The following FLRT2 variants were observed in gnomAD, a reference collection of about 807,000 sequenced individuals.
FLRT2 encodes leucine-rich repeat transmembrane protein FLRT2.
Under a neutral mutation model 40.0 loss-of-function variants are expected in FLRT2, and 15 were observed. The ratio of observed to expected loss-of-function variants is 0.38; its 90% CI spans 0.25 to 0.58. The LOEUF is 0.58. FLRT2 is among the 20% of genes least tolerant of loss of function. The probability of loss-of-function intolerance (pLI) is 0.71; values close to 1 mark genes in which losing one functional copy is unlikely to be tolerated. For missense variants in FLRT2, 726 were observed against 840.0 expected (o/e 0.86, Z 1.68); for synonymous variants, 380 against 336.8 (o/e 1.13, Z -1.41).
At chr14:85,541,966 A>G (rs533987233) in intron 1 of FLRT2, among the ~76,000 whole-genome samples, 3 of 152,330 alleles carry the variant, frequency 2.0e-5, no homozygotes, top group African/African-American at 7.2e-5. Flanking sequence ...AATGAATTTT[A>G]ACAACTTTCC....
chr14:85,599,543 C>T (rs1282212440), intron 1 of FLRT2, among the ~76,000 whole-genome samples: 1 of 152,172 alleles, frequency 6.6e-6, no homozygotes, highest in Non-Finnish European at 1.5e-5. Context: ...ACTGGTTTCT[C>T]TAATGTGTTT....
At chr14:85,615,560 A>G (rs1044267060) in intron 1 of FLRT2, among the ~76,000 whole-genome samples, 3 of 151,984 alleles carry the variant, frequency 2.0e-5, no homozygotes, top group Non-Finnish European at 2.9e-5. Context: ...TATCTGCCTA[A>G]TGATCAACTT....
rs944277284 is a variant in FLRT2, at chr14:85,643,877, T to G, written c.*20380T>G. On this transcript the variant is annotated 3_prime_UTR_variant, in exon 2 of 2. Coordinates refer to ENST00000330753, the MANE Select transcript of FLRT2 (RefSeq NM_013231.6). ...AGTTGCAGCAGAGTGGTTGTGGTTT[T>G]TATTATAAGCATTAAAAGTATAGTA... The G allele has an allele frequency of 6.6e-6, 1 of 152,158 alleles. No homozygotes were observed. The highest frequency in any genetic ancestry group is 1.5e-5 in the Non-Finnish European group (1 of 68,042). 9.4% of individuals were successfully genotyped at this position (152,158 alleles called of 1,614,324 possible).
chr14:85,552,362 A>G (rs1460381518), intron 1 of FLRT2, among the ~76,000 whole-genome samples: 1 of 152,166 alleles, frequency 6.6e-6, no homozygotes, highest in Non-Finnish European at 1.5e-5. Context: ...GCAGTAATAA[A>G]ACCCCTTGAA....
At position 85,634,931 on chromosome 14, in the gene FLRT2, G is replaced by A. The variant is rs575060274; in HGVS notation, c.*11434G>A. 1 of 152,136 alleles carries A rather than the reference G, an allele frequency of 6.6e-6. No homozygotes were observed. Among genetic ancestry groups the A allele is most frequent in the South Asian group, 2.1e-4 (1 of 4,824 alleles). 9.4% of individuals were successfully genotyped at this position (152,136 alleles called of 1,614,324 possible). A position where few individuals can be genotyped will look rare whatever the true frequency, so the allele number is the denominator to read the frequency against. Reference sequence around the variant, plus strand: ...CAAGTTACTTTGGACCTTAAATTCTGTTTTATGGTTGTTCATTTTCTATGT... The same window carrying A: ...CAAGTTACTTTGGACCTTAAATTCTATTTTATGGTTGTTCATTTTCTATGT... On this transcript the variant is annotated 3_prime_UTR_variant, in exon 2 of 2. Coordinates refer to ENST00000330753, the MANE Select transcript of FLRT2 (RefSeq NM_013231.6).
In FLRT2 at chr14:85,623,056, C is replaced by G; in HGVS notation, c.1542C>G (p.Thr514=). Residue 514 remains threonine (T), a synonymous_variant, in exon 2 of 2, where the codon ACC becomes ACG. Transcript: ENST00000330753. ...VEDTICSEAT[T]HASYLNNGSN... is the part of the protein sequence containing the mutation. ...ACACCATTTGTTCAGAGGCCACCAC[C>G]CATGCCTCCTATCTGAACAACGGCA... 1.2e-6 allele frequency: 2 copies of G among 1,614,194 alleles called. No homozygotes were observed. Among genetic ancestry groups the G allele is most frequent in the Non-Finnish European group, 8.5e-7 (1 of 1,180,042 alleles).
chr14:85,652,588 T>TAAAC lies in FLRT2; in HGVS notation c.*29091_*29092insAAAC, dbSNP rs1894459758. 6.6e-6 allele frequency: 1 copy of TAAAC among 152,140 alleles called. No individual in the cohort carries two copies. Among genetic ancestry groups the TAAAC allele is most frequent in the African/African-American group, 2.4e-5 (1 of 41,442 alleles). The allele number at this position is 152,140 out of a possible 1,614,324, so 9.4% of individuals were successfully genotyped here. On this transcript the variant is annotated 3_prime_UTR_variant, in exon 2 of 2. Coordinates refer to ENST00000330753, the MANE Select transcript of FLRT2 (RefSeq NM_013231.6). ...AAAATATTATACAACTTTAAATAAA[T>TAAAC]TTAAGATGACATTATGACTTATTAG...
At position 85,574,303 on chromosome 14, in the gene FLRT2, TAATA is replaced by T. The variant is rs376173661; in HGVS notation, c.-377+43776_-377+43779del. Among the ~76,000 whole-genome samples the T allele has an allele frequency of 1.2e-4, 18 of 151,602 alleles. 1 individual carries two copies. The South Asian group carries it at 3.7e-3, about 31-fold the overall frequency. ...TTAATACATAAGAATAGAAGATAAA[TAATA>T]AATAAAAATAGGTATATTTGAATTT... On this transcript the variant is annotated intron_variant, in intron 1 of 1. Transcript: ENST00000330753.
At position 85,622,257 on chromosome 14, in the gene FLRT2, A is replaced by T. The variant is rs1438566839; in HGVS notation, c.743A>T (p.Asp248Val). Residue 248 changes from aspartate to valine, a missense_variant, in exon 2 of 2, where the codon GAT becomes GTT. By Grantham distance (152) the Asp-to-Val change is radical (BLOSUM62 -3). Coordinates refer to ENST00000330753, the MANE Select transcript of FLRT2 (RefSeq NM_013231.6). Reference protein sequence around the residue: ...VRNSLSHPPPDLPGTHLIRLY... With the variant: ...VRNSLSHPPPVLPGTHLIRLY... ...AATTCGCTGTCCCACCCTCCTCCCGATCTCCCAGGTACGCATCTGATCAGG... is the reference window on the plus strand; with the variant it reads ...AATTCGCTGTCCCACCCTCCTCCCGTTCTCCCAGGTACGCATCTGATCAGG... The T allele has an allele frequency of 6.2e-7, 1 of 1,613,900 alleles. No homozygotes were observed.
rs138647660 is a variant in FLRT2, at chr14:85,633,371, A to G, written c.*9874A>G. 1.1e-4 allele frequency: 16 copies of G among 152,276 alleles called. No homozygotes were observed. The East Asian group carries it at 2.7e-3, about 26-fold the overall frequency. 9.4% of individuals were successfully genotyped at this position (152,276 alleles called of 1,614,324 possible). ...AAGAGAACAGACTTCTTTATAATGT[A>G]GCATATATTCTATCTGGTTGCTAGA... is the stretch of plus-strand genomic sequence containing the variant. On this transcript the variant is annotated 3_prime_UTR_variant, in exon 2 of 2. Transcript: ENST00000330753.
Position 85,637,034 on chromosome 14 carries a change from G to T in FLRT2, c.*13537G>T, listed in dbSNP as rs1433874543. 6.6e-6 allele frequency: 1 copy of T among 151,848 alleles called. No homozygotes were observed. The highest frequency in any genetic ancestry group is 6.6e-5 in the Admixed American group (1 of 15,244). 9.4% of individuals were successfully genotyped at this position (151,848 alleles called of 1,614,324 possible). On this transcript the variant is annotated 3_prime_UTR_variant, in exon 2 of 2. Transcript: ENST00000330753. ...TTTTACAAAACAATAATCTAAGTGG[G>T]CAAGTAAATACTGGTGTGACATACA...
chr14:85,564,649 A>C (rs1004969254), intron 1 of FLRT2, among the ~76,000 whole-genome samples: 2 of 152,220 alleles, frequency 1.3e-5, no homozygotes, highest in Admixed American at 6.5e-5. Context: ...TCTGTCATGC[A>C]CACCGTTTTC....
chr14:85,595,668 G>A (rs907079439), intron 1 of FLRT2, among the ~76,000 whole-genome samples: 3 of 152,038 alleles, frequency 2.0e-5, no homozygotes, highest in African/African-American at 7.2e-5. Context: ...TTTTATCCAC[G>A]GTATAACTGC....
In FLRT2 at chr14:85,621,880, G is replaced by C. The variant is rs1436925026; in HGVS notation, c.366G>C (p.Gln122His). Residue 122 changes from glutamine (Q) to histidine (H), a missense_variant, in exon 2 of 2, where the codon CAG becomes CAC. Coordinates refer to ENST00000330753, the MANE Select transcript of FLRT2 (RefSeq NM_013231.6). ...RVLHLQENNIQTISRAALAQL... is the reference protein window; with the variant it reads ...RVLHLQENNIHTISRAALAQL... ...TCCATTTGCAGGAAAACAATATTCA[G>C]ACCATTTCACGGGCTGCTCTTGCCC... 1.7e-5 allele frequency: 27 copies of C among 1,611,044 alleles called. No individual in the cohort carries two copies. The highest frequency in any genetic ancestry group is 2.3e-5 in the Non-Finnish European group (27 of 1,178,176).
At chr14:85,557,142 T>C (rs1294587482) in intron 1 of FLRT2, among the ~76,000 whole-genome samples, 2 of 152,096 alleles carry the variant, frequency 1.3e-5, no homozygotes, top group Non-Finnish European at 2.9e-5. Flanking sequence ...CAAGATGAGA[T>C]TTGGGTGGGG....
intron 1 of FLRT2, among the ~76,000 whole-genome samples, chr14:85,617,359 C>A (rs1893181982): frequency 6.6e-6 from 1 of 152,114 alleles, no homozygotes; most frequent in Admixed American, 6.5e-5. Flanking sequence ...TTTTGTTTAA[C>A]CCTGTCAACT....
rs1462687074 is a variant in FLRT2 at position 85,621,520 on chromosome 14, C to G, written c.6C>G (p.Gly2=). The G allele has an allele frequency of 6.2e-7, 1 of 1,606,156 alleles. No individual in the cohort carries two copies. The highest frequency in any genetic ancestry group is 2.2e-5 in the East Asian group (1 of 44,746). The part of the protein sequence containing the change: M[G]LQTTKWPSHG... Reference sequence around the variant, plus strand: ...TTTATTTCCGTACTTCAGAAATGGGCCTACAGACCACAAAGTGGCCCAGCC... The same window carrying G: ...TTTATTTCCGTACTTCAGAAATGGGGCTACAGACCACAAAGTGGCCCAGCC... Residue 2 remains glycine, a synonymous_variant, in exon 2 of 2, where the codon GGC becomes GGG. Transcript: ENST00000330753.
At chr14:85,537,868 G>A (rs1219606257) in intron 1 of FLRT2, among the ~76,000 whole-genome samples, 8 of 147,206 alleles carry the variant, frequency 5.4e-5, no homozygotes, top group Non-Finnish European at 1.0e-4. Flanking sequence ...CTTCCTTAGC[G>A]AATTTCACAT....
At position 85,644,037 on chromosome 14, in the gene FLRT2, TG is replaced by T. The variant is rs1342731194; in HGVS notation, c.*20541del. ...AAGGAAAGATGCAGGTTTGGCAAATTGAAGCCAGACTAATTATCACAATGTA... is the reference window on the plus strand; with the variant it reads ...AAGGAAAGATGCAGGTTTGGCAAATTAAGCCAGACTAATTATCACAATGTA... On this transcript the variant is annotated 3_prime_UTR_variant, in exon 2 of 2. Coordinates refer to ENST00000330753, the MANE Select transcript of FLRT2 (RefSeq NM_013231.6). 1 of 152,210 alleles carries T rather than the reference TG, an allele frequency of 6.6e-6. No homozygotes were observed. Among genetic ancestry groups the T allele is most frequent in the African/African-American group, 2.4e-5 (1 of 41,452 alleles). 9.4% of individuals were successfully genotyped at this position (152,210 alleles called of 1,614,324 possible). A position where few individuals can be genotyped will look rare whatever the true frequency, so the allele number is the denominator to read the frequency against.
Sources: allele counts gnomAD v4.1 joint callset (sites outside exome capture counted in the v4.1 genomes callset), GRCh38; gene constraint gnomAD v4.1.1; transcripts MANE v1.5; gene names NCBI Gene and HGNC (gene_info 2026-07-23, HGNC 2026-07-21).